Variants in ARL15 observed in about 807,000 individuals in gnomAD.
The protein encoded by ARL15 is ADP-ribosylation factor-like protein 15.
In ARL15, 19 loss-of-function variants were observed where a neutral mutation model predicts 25.2. That is an observed-to-expected ratio of 0.75 (90% confidence interval 0.53 to 1.10). The LOEUF (loss-of-function observed/expected upper bound fraction) is 1.10. ARL15 is among the 50% of genes least tolerant of loss of function. The probability of loss-of-function intolerance (pLI) is 0.00; values close to 1 mark genes in which losing one functional copy is unlikely to be tolerated. For synonymous variants in ARL15, 94 were observed against 86.8 expected, an observed-to-expected ratio of 1.08 and a Z score of -0.46; for missense variants, 220 against 246.0, an observed-to-expected ratio of 0.89 and a Z score of 0.71.
chr5:53,922,265 C>T (rs965819035), intron 4 of ARL15, among the ~76,000 whole-genome samples: 1 of 152,178 alleles, frequency 6.6e-6, no homozygotes, highest in Non-Finnish European at 1.5e-5. Flanking sequence ...ATTCACTGTT[C>T]CCTTGCCTGT....
intron 1 of ARL15, among the ~76,000 whole-genome samples, chr5:54,308,686 T>C (rs1160082916): frequency 6.6e-6 from 1 of 152,224 alleles, no homozygotes; most frequent in Non-Finnish European, 1.5e-5. Flanking sequence ...CTTTAGACTA[T>C]GCCTATCTAG....
chr5:53,925,815 A>C (rs1043114211), intron 4 of ARL15, among the ~76,000 whole-genome samples: 1 of 152,082 alleles, frequency 6.6e-6, no homozygotes, highest in African/African-American at 2.4e-5. Flanking sequence ...CTTTAAAAAA[A>C]ACCAAAATAA....
intron 1 of ARL15, among the ~76,000 whole-genome samples, chr5:54,246,797 T>TATACAC (rs1477935525): frequency 7.2e-6 from 1 of 139,062 alleles, no homozygotes; most frequent in African/African-American, 2.8e-5. Context: ...AAAGCATGCA[T>TATACAC]ACACACACAC....
chr5:54,193,628 G>A lies in ARL15; in HGVS notation c.49-21700C>T, dbSNP rs550591791. ...TGAATCCATCCCCTCCACCCCAGTC[G>A]ATAGAAAAACTGTCTTCCACAAAAC... On this transcript the variant is annotated intron_variant, in intron 1 of 4. Coordinates refer to ENST00000504924, the MANE Select transcript of ARL15 (RefSeq NM_019087.3). 4.6e-5 allele frequency among the ~76,000 whole-genome samples: 7 copies of A among 152,084 alleles called. No homozygotes were observed. In the East Asian group the frequency reaches 9.7e-4, roughly 21 times the overall value.
At chr5:54,077,477 T>A (rs148963437) in intron 4 of ARL15, among the ~76,000 whole-genome samples, 23 of 152,276 alleles carry the variant, frequency 1.5e-4, no homozygotes, top group African/African-American at 5.5e-4. Flanking sequence ...TGTAAAGAAC[T>A]CAAAAGGAAG....
chr5:54,175,021 G>C (rs1483481793), intron 1 of ARL15, among the ~76,000 whole-genome samples: 1 of 152,194 alleles, frequency 6.6e-6, no homozygotes, highest in Non-Finnish European at 1.5e-5. Flanking sequence ...CTATCTCCTG[G>C]AGGAGGGCTG....
At chr5:53,907,182 C>G (rs553776602) in intron 4 of ARL15, among the ~76,000 whole-genome samples, 1 of 151,986 alleles carries the variant, frequency 6.6e-6, no homozygotes, top group Non-Finnish European at 1.5e-5. Context: ...GGCCACCATA[C>G]CTTGAAACTA....
rs34795383 is a variant in ARL15, at chr5:54,069,558, CAAAAAAAAA to C, written c.462+43635_462+43643del. Among the ~76,000 whole-genome samples the C allele has an allele frequency of 4.9e-3, 234 of 48,102 alleles. 3 individuals are homozygous for C. Among genetic ancestry groups the C allele is most frequent in the Admixed American group, 6.0e-3 (18 of 3,024 alleles). 31.6% of individuals were successfully genotyped at this position (48,102 alleles called of 152,430 possible). A position where few individuals can be genotyped will look rare whatever the true frequency, so the allele number is the denominator to read the frequency against. On this transcript the variant is annotated intron_variant, in intron 4 of 4. Transcript: ENST00000504924. ...CCTGGGTGACAACAGCAAAACGTCT[CAAAAAAAAA>C]AAAAAAAAAAAAAAAAACCACGAAA...
chr5:53,915,894 G>T (rs1315296601), intron 4 of ARL15, among the ~76,000 whole-genome samples: 3 of 152,146 alleles, frequency 2.0e-5, no homozygotes, highest in Non-Finnish European at 4.4e-5. Context: ...TCGCCTCTTG[G>T]TTCCCAATTT....
intron 1 of ARL15, among the ~76,000 whole-genome samples, chr5:54,309,562 A>G (rs893063982): frequency 2.0e-5 from 3 of 152,238 alleles, no homozygotes; most frequent in African/African-American, 7.2e-5. Context: ...GGTTCTGCCC[A>G]ACATGGTAAA....
At chr5:54,132,104 A>G (rs574789524) in intron 3 of ARL15, among the ~76,000 whole-genome samples, 1 of 152,316 alleles carries the variant, frequency 6.6e-6, no homozygotes, top group South Asian at 2.1e-4. Flanking sequence ...ATAATACATT[A>G]AAAAACATTT....
chr5:53,926,130 A>C (rs1374603148), intron 4 of ARL15, among the ~76,000 whole-genome samples: 1 of 151,952 alleles, frequency 6.6e-6, no homozygotes, highest in Non-Finnish European at 1.5e-5. Context: ...CAGTTATTCC[A>C]AGCTAAGGAA....
intron 4 of ARL15, among the ~76,000 whole-genome samples, chr5:54,061,408 G>A (rs965648404): frequency 3.9e-5 from 6 of 152,094 alleles, no homozygotes; most frequent in South Asian, 2.1e-4. Flanking sequence ...TCAGGAGTTC[G>A]AGACCAGCCT....
In ARL15 at chr5:54,013,306, G is replaced by A. The variant is rs187673938; in HGVS notation, c.462+99896C>T. The stretch of plus-strand genomic sequence containing the variant: ...AACCACCTTTGCAAAGATTATGACA[G>A]TGAGAGAAGTCTAGCATGACTGATT... On this transcript the variant is annotated intron_variant, in intron 4 of 4. Coordinates refer to ENST00000504924, the MANE Select transcript of ARL15 (RefSeq NM_019087.3). Among the ~76,000 whole-genome samples, 26 of 152,324 alleles carry A rather than the reference G, an allele frequency of 1.7e-4. No individual in the cohort carries two copies. The East Asian group carries it at 4.6e-3, about 27-fold the overall frequency.
intron 4 of ARL15, among the ~76,000 whole-genome samples, chr5:54,067,460 C>T (rs1751276521): frequency 6.6e-6 from 1 of 152,148 alleles, no homozygotes. Flanking sequence ...AATCTGAAAG[C>T]TGTGTATATA....
intron 4 of ARL15, among the ~76,000 whole-genome samples, chr5:54,047,699 T>C (rs6874524): frequency 0.31 from 47,903 of 152,116 alleles, 8,756 homozygotes; most frequent in African/African-American, 0.5. Context: ...ATAACCAGTA[T>C]GCACTGAAGT....
At chr5:54,075,034 A>T (rs1238617884) in intron 4 of ARL15, among the ~76,000 whole-genome samples, 1 of 143,726 alleles carries the variant, frequency 7.0e-6, no homozygotes, top group African/African-American at 2.6e-5. Context: ...GAAAAACCCA[A>T]AGCAGATCTG....
intron 4 of ARL15, among the ~76,000 whole-genome samples, chr5:54,023,954 T>C (rs936626302): frequency 2.0e-5 from 3 of 152,114 alleles, no homozygotes; most frequent in Non-Finnish European, 4.4e-5. Flanking sequence ...CTAAAAATCA[T>C]TTACTACTCT....
chr5:54,255,742 A>C (rs1757347075), intron 1 of ARL15, among the ~76,000 whole-genome samples: 5 of 152,216 alleles, frequency 3.3e-5, no homozygotes, highest in Non-Finnish European at 7.3e-5. Context: ...AATATTTAAA[A>C]ATATTGTATA....
Sources: allele counts gnomAD v4.1 joint callset (sites outside exome capture counted in the v4.1 genomes callset), GRCh38; gene constraint gnomAD v4.1.1; transcripts MANE v1.5; gene names NCBI Gene and HGNC (gene_info 2026-07-23, HGNC 2026-07-21).